Variants in ERCC2 observed in about 807,000 individuals in gnomAD.
ERCC2 encodes ERCC excision repair 2, TFIIH core complex helicase subunit, also known as general transcription and DNA repair factor IIH helicase subunit XPD.
ERCC2 carries 90 observed loss-of-function variants against 99.4 expected under a neutral mutation model. The ratio of observed to expected loss-of-function variants is 0.91; its 90% CI spans 0.76 to 1.08. ERCC2 has a LOEUF of 1.08. Ranked by LOEUF, ERCC2 falls within the 50% of genes least tolerant of loss-of-function variation. The pLI, the probability that ERCC2 is intolerant of heterozygous loss-of-function variation, is 0.00. For missense variants in ERCC2, 993 were observed against 1,038.1 expected (o/e 0.96, Z 0.60); for synonymous variants, 497 against 432.4 (o/e 1.15, Z -1.85).
intron 2 of ERCC2, among the ~76,000 whole-genome samples, chr19:45,369,730 CAGTG>C (rs938752739): frequency 5.3e-5 from 8 of 152,154 alleles, no homozygotes; most frequent in Non-Finnish European, 1.2e-4. Flanking sequence ...GGCTGGAATG[CAGTG>C]GCACAATCAT....
At position 45,351,418 on chromosome 19, in the gene ERCC2, G is replaced by T; in HGVS notation, c.*211C>A. 1 of 1,593,080 alleles carries T rather than the reference G, an allele frequency of 6.3e-7. No homozygotes were observed. On this transcript the variant is annotated 3_prime_UTR_variant, in exon 23 of 23. Transcript: ENST00000391945. ...AACAGTGCAGGAGGGATGGGCTGGT[G>T]GGGTGAGAGGGGGTCTATCATCTCC...
rs768127015 is a variant in ERCC2 at position 45,370,175 on chromosome 19, C to T, written c.63G>A (p.Gln21=). ...YFPYDYIYPE[Q]FSYMRELKRT... is the part of the protein sequence containing the mutation. ...GTTTGAGCTCCCGCATGTAGGAGAA[C>T]TGCTCGGGGTAGATGTAGTCGTACG... is the stretch of plus-strand genomic sequence containing the variant. The change falls in exon 2 of 23, where the codon CAG becomes CAA. Residue 21 remains glutamine (Q), a synonymous_variant. Transcript: ENST00000391945. 2.5e-6 allele frequency: 4 copies of T among 1,613,400 alleles called. No individual in the cohort carries two copies. The highest frequency in any genetic ancestry group is 2.2e-5 in the East Asian group (1 of 44,860).
Position 45,350,652 on chromosome 19 carries a change from C to T in ERCC2, c.*977G>A, listed in dbSNP as rs3916902. ...CGGCCCCTCCCCAGGCCCTTCGCCGCAGCAGCTCACTCTCCAAGATCCGTG... is the reference window on the plus strand; with the variant it reads ...CGGCCCCTCCCCAGGCCCTTCGCCGTAGCAGCTCACTCTCCAAGATCCGTG... On this transcript the variant is annotated 3_prime_UTR_variant, in exon 23 of 23. Coordinates refer to ENST00000391945, the MANE Select transcript of ERCC2 (RefSeq NM_000400.4). The T allele has an allele frequency of 1.1e-3, 1,762 of 1,613,596 alleles. 38 individuals are homozygous for T. The South Asian group carries it at 0.018, about 17-fold the overall frequency.
Position 45,352,509 on chromosome 19 carries a change from G to A in ERCC2, c.2043C>T (p.Asp681=), listed in dbSNP as rs1435486615. The A allele has an allele frequency of 6.8e-6, 11 of 1,614,156 alleles. No homozygotes were observed. Among genetic ancestry groups the A allele is most frequent in the Admixed American group, 1.7e-5 (1 of 60,024 alleles). ...AGGGGCACCCCTGAAGCTGCACCTTGTCGGCAAAGACCATGAGGCCGTAGT... is the reference window on the plus strand; with the variant it reads ...AGGGGCACCCCTGAAGCTGCACCTTATCGGCAAAGACCATGAGGCCGTAGT... ...KTDYGLMVFA[D]KRFARGDKRG... The change falls in exon 21 of 23, where the codon GAC becomes GAT. Residue 681 remains aspartate, a synonymous_variant. Coordinates refer to ENST00000391945, the MANE Select transcript of ERCC2 (RefSeq NM_000400.4).
At chr19:45,352,387 C>A (rs368902491) in intron 21 of ERCC2, 35 bp from the exon 22 acceptor site, 3 of 1,613,740 alleles carry the variant, frequency 1.9e-6, no homozygotes, top group Non-Finnish European at 2.5e-6. Flanking sequence ...GACAGAAGGT[C>A]ATTCGGGGAG....
chr19:45,356,279 C>T (rs1216904419), intron 15 of ERCC2, among the ~76,000 whole-genome samples: 1 of 152,194 alleles, frequency 6.6e-6, no homozygotes, highest in Non-Finnish European at 1.5e-5. Flanking sequence ...CAGGCAACTC[C>T]AAAAGCCAAA....
intron 11 of ERCC2, 96 bp downstream of exon 11, chr19:45,363,647 C>T: frequency 7.4e-7 from 1 of 1,345,212 alleles, no homozygotes; most frequent in Non-Finnish European, 1.0e-6. Flanking sequence ...ACTCCTGATG[C>T]TGCAGTGGTG....
chr19:45,349,902 G>A lies in ERCC2; in HGVS notation c.*1727C>T, dbSNP rs1445212396. 1.1e-5 allele frequency: 5 copies of A among 456,102 alleles called. No homozygotes were observed. The highest frequency in any genetic ancestry group is 6.7e-5 in the South Asian group (2 of 29,824). The allele number at this position is 456,102 out of a possible 1,614,324, so 28.3% of individuals were successfully genotyped here. A position where few individuals can be genotyped will look rare whatever the true frequency, so the allele number is the denominator to read the frequency against. Reference sequence around the variant, plus strand: ...CCCCTCTTAGCCCGGTCCCCACATCGCTAGTTCTTATAGCGTCCCTATGAG... The same window carrying A: ...CCCCTCTTAGCCCGGTCCCCACATCACTAGTTCTTATAGCGTCCCTATGAG... On this transcript the variant is annotated 3_prime_UTR_variant, in exon 23 of 23. Transcript: ENST00000391945.
Position 45,364,330 on chromosome 19 carries a change from G to C in ERCC2, c.720C>G (p.Asp240Glu), listed in dbSNP as rs1213865808. ...VVVFDEAHNI[D>E]NVCIDSMSVN... ...CGCTCATGGAGTCGATGCAGACGTT[G>C]TCTGGAGAAGGGGGAGAGAGCCGGC... Residue 240 changes from aspartate to glutamate, a missense_variant and splice_region_variant, in exon 9 of 23, where the codon GAC becomes GAG. Asp to Glu is a conservative substitution (Grantham distance 45, BLOSUM62 2). Transcript: ENST00000391945. 1.7e-5 allele frequency: 27 copies of C among 1,613,894 alleles called. No homozygotes were observed. The highest frequency in any genetic ancestry group is 2.1e-5 in the Non-Finnish European group (25 of 1,180,014).
chr19:45,359,037 G>A lies in ERCC2; in HGVS notation c.1238-1338C>T, dbSNP rs1427751536. ...AAGCCAGCCTTGCCCCTGCTCGCAT[G>A]GGTTCGCAGTCCAGTAGGAGACAGA... On this transcript the variant is annotated intron_variant, in intron 12 of 22. Transcript: ENST00000391945. The A allele has an allele frequency of 6.4e-6, 4 of 621,606 alleles. No individual in the cohort carries two copies. The African/African-American group carries it at 7.3e-5, about 11-fold the overall frequency. The allele number at this position is 621,606 out of a possible 1,614,324, so 38.5% of individuals were successfully genotyped here.
chr19:45,350,947 T>C lies in ERCC2; in HGVS notation c.*682A>G. The C allele has an allele frequency of 6.2e-7, 1 of 1,613,878 alleles. No individual in the cohort carries two copies. The highest frequency in any genetic ancestry group is 8.5e-7 in the Non-Finnish European group (1 of 1,179,854). On this transcript the variant is annotated 3_prime_UTR_variant, in exon 23 of 23. Coordinates refer to ENST00000391945, the MANE Select transcript of ERCC2 (RefSeq NM_000400.4). Reference sequence around the variant, plus strand: ...CACTCATTTCCTCCCTGCTGCCCTCTTTGCAGAATGAAGAGAGCCATGTCA... The same window carrying C: ...CACTCATTTCCTCCCTGCTGCCCTCCTTGCAGAATGAAGAGAGCCATGTCA...
intron 11 of ERCC2, chr19:45,361,911 C>T (rs913652557): frequency 4.3e-6 from 2 of 465,656 alleles, no homozygotes; most frequent in Non-Finnish European, 8.0e-6. Context: ...CTAGCACGAC[C>T]TCCTAAGTGG....
rs529887839 is a variant in ERCC2, at chr19:45,358,875, T to C, written c.1238-1176A>G. 21 of 780,892 alleles carry C rather than the reference T, an allele frequency of 2.7e-5. No individual in the cohort carries two copies. The African/African-American group carries it at 3.5e-4, about 13-fold the overall frequency. 48.4% of individuals were successfully genotyped at this position (780,892 alleles called of 1,614,324 possible). A position where few individuals can be genotyped will look rare whatever the true frequency, so the allele number is the denominator to read the frequency against. The stretch of plus-strand genomic sequence containing the variant: ...TTCTGGGGGGTTAGGGATGAGATCT[T>C]TTTTGGTTCCTGCTGCTTCCACAGT... On this transcript the variant is annotated intron_variant, in intron 12 of 22. Coordinates refer to ENST00000391945, the MANE Select transcript of ERCC2 (RefSeq NM_000400.4).
At position 45,350,049 on chromosome 19, in the gene ERCC2, G is replaced by A. The variant is rs1599714940; in HGVS notation, c.*1580C>T. ...CTGCCTGTCCTCCATCCCCAGGGCA[G>A]GAAGTAAGGCCGAGCTCCAAACCCA... On this transcript the variant is annotated 3_prime_UTR_variant, in exon 23 of 23. Transcript: ENST00000391945. 2.1e-6 allele frequency: 1 copy of A among 470,238 alleles called. No homozygotes were observed. Among genetic ancestry groups the A allele is most frequent in the South Asian group, 2.7e-5 (1 of 37,038 alleles). The allele number at this position is 470,238 out of a possible 1,614,324, so 29.1% of individuals were successfully genotyped here.
chr19:45,358,464 C>T (rs1972090818), intron 12 of ERCC2: 2 of 281,842 alleles, frequency 7.1e-6, no homozygotes, highest in African/African-American at 4.4e-5. Context: ...CTGCTCGCTT[C>T]ACGGCAGCCA....
At chr19:45,363,942 G>C (rs1362368889) in intron 10 of ERCC2, 31 bp from the exon 11 acceptor site, 1 of 1,527,792 alleles carries the variant, frequency 6.5e-7, no homozygotes, top group East Asian at 2.4e-5. Context: ...CGGCGACGGG[G>C]AGGCGGGAAA....
At chr19:45,362,666 C>A (rs1185914390) in intron 11 of ERCC2, among the ~76,000 whole-genome samples, 1 of 152,248 alleles carries the variant, frequency 6.6e-6, no homozygotes, top group Non-Finnish European at 1.5e-5. Context: ...GGCCATGGAG[C>A]CTCTACGGCT....
intron 12 of ERCC2, chr19:45,358,451 C>T: frequency 3.5e-6 from 1 of 284,042 alleles, no homozygotes; most frequent in Non-Finnish European, 6.8e-6. Flanking sequence ...GACCCATCAT[C>T]CCCTGCTCGC....
At chr19:45,354,877 T>TCTCCCAACCTCTC (rs1971959255) in intron 16 of ERCC2, 26 bp from the exon 17 acceptor site, 1 of 1,613,430 alleles carries the variant, frequency 6.2e-7, no homozygotes, top group Non-Finnish European at 8.5e-7. Flanking sequence ...GGTTGGGCCC[T>TCTCCCAACCTCTC]CTCCTGGCCC....
Sources: gnomAD v4.1 joint callset for allele counts (sites outside exome capture counted in the v4.1 genomes callset) on GRCh38, gnomAD v4.1.1 for gene constraint, MANE v1.5 for transcripts, NCBI Gene and HGNC (gene_info 2026-07-23, HGNC 2026-07-21) for gene names.